Variants in DNM3 observed in about 807,000 individuals in gnomAD.
DNM3 encodes dynamin 3.
DNM3 carries 47 observed loss-of-function variants against 101.6 expected under a neutral mutation model. That is an observed-to-expected ratio of 0.46 (90% CI 0.37 to 0.59). The LOEUF (loss-of-function observed/expected upper bound fraction) is 0.59. DNM3 is among the 20% of genes least tolerant of loss of function. The pLI, the probability that DNM3 is intolerant of heterozygous loss-of-function variation, is 0.00. For synonymous variants in DNM3, 385 were observed against 387.9 expected (o/e 0.99, Z 0.09); for missense variants, 849 against 1,085.7 (o/e 0.78, Z 3.06).
At chr1:172,300,226 A>G (rs2064374452) in intron 15 of DNM3, among the ~76,000 whole-genome samples, 1 of 151,152 alleles carries the variant, frequency 6.6e-6, no homozygotes, top group Admixed American at 6.6e-5. Context: ...CTACTTTTTA[A>G]TGGGGTTATT....
At chr1:172,173,331 T>G (rs1445853755) in intron 14 of DNM3, among the ~76,000 whole-genome samples, 1 of 151,644 alleles carries the variant, frequency 6.6e-6, no homozygotes. Flanking sequence ...AGAGTGGCAG[T>G]GTCAATAACT....
chr1:172,290,972 G>A (rs2063889526), intron 15 of DNM3, among the ~76,000 whole-genome samples: 1 of 137,778 alleles, frequency 7.3e-6, no homozygotes, highest in Non-Finnish European at 1.6e-5. Context: ...AGGTGTTTGA[G>A]GACAGAGGGG....
Position 172,407,967 on chromosome 1 carries a change from T to C in DNM3, c.*126T>C. 2 of 1,562,000 alleles carry C rather than the reference T, an allele frequency of 1.3e-6. No homozygotes were observed. The highest frequency in any genetic ancestry group is 1.7e-6 in the Non-Finnish European group (2 of 1,153,326). ...TCAGTAGGCAAGTAACCAGTTTTAC[T>C]AATGCATTCATCGCTCATCTTCATT... On this transcript the variant is annotated 3_prime_UTR_variant, in exon 21 of 21. Coordinates refer to ENST00000627582, the MANE Select transcript of DNM3 (RefSeq NM_015569.5).
At chr1:171,986,423 G>T (rs1275120870) in intron 2 of DNM3, among the ~76,000 whole-genome samples, 2 of 152,050 alleles carry the variant, frequency 1.3e-5, no homozygotes, top group African/African-American at 2.4e-5. Context: ...TTATCTTTTA[G>T]CATTGAAGGT....
At chr1:171,897,821 A>G (rs958600343) in intron 1 of DNM3, among the ~76,000 whole-genome samples, 5 of 152,306 alleles carry the variant, frequency 3.3e-5, no homozygotes, top group East Asian at 1.9e-4. Flanking sequence ...TAGACCAACT[A>G]GAAAAATACA....
rs10911384 is a variant in DNM3 at position 172,247,695 on chromosome 1, G to A, written c.1660-5878G>A. ...TATTTATTTATTTATTTATTTATTTGTTTATTTTGAGACAGTTTCGCTCTT... is the reference window on the plus strand; with the variant it reads ...TATTTATTTATTTATTTATTTATTTATTTATTTTGAGACAGTTTCGCTCTT... On this transcript the variant is annotated intron_variant, in intron 14 of 20. Transcript: ENST00000627582. Among the ~76,000 whole-genome samples, 319 of 57,874 alleles carry A rather than the reference G, an allele frequency of 5.5e-3. 2 individuals are homozygous for A. Among genetic ancestry groups the A allele is most frequent in the African/African-American group, 0.011 (261 of 23,392 alleles). 38.0% of individuals were successfully genotyped at this position (57,874 alleles called of 152,430 possible). A position where few individuals can be genotyped will look rare whatever the true frequency, so the allele number is the denominator to read the frequency against.
chr1:172,309,910 A>G (rs1415482126), intron 16 of DNM3: 2 of 152,338 alleles, frequency 1.3e-5, no homozygotes, highest in East Asian at 1.9e-4. Context: ...TAACTCACAC[A>G]TAGACCTCTT....
intron 20 of DNM3, among the ~76,000 whole-genome samples, chr1:172,402,972 C>CA (rs1405191948): frequency 2.6e-5 from 4 of 152,160 alleles, no homozygotes; most frequent in African/African-American, 9.7e-5. Context: ...GGACCAGCAG[C>CA]ATCTGGGAAC....
intron 13 of DNM3, among the ~76,000 whole-genome samples, chr1:172,123,729 C>T (rs1417365233): frequency 6.6e-6 from 1 of 152,188 alleles, no homozygotes; most frequent in Non-Finnish European, 1.5e-5. Flanking sequence ...CTGGGGAGGA[C>T]TGAGTGAGGA....
chr1:172,284,613 C>A lies in DNM3; in HGVS notation c.1770-24115C>A, dbSNP rs148389477. On this transcript the variant is annotated intron_variant, in intron 15 of 20. Transcript: ENST00000627582. ...AATCAAGAAATGAATACCATAGGAA[C>A]ATTATACAGAATGACTTTTCATGTA... 4.0e-3 allele frequency among the ~76,000 whole-genome samples: 615 copies of A among 152,262 alleles called. 18 individuals carry two copies. The highest frequency in any genetic ancestry group is 0.035 in the Admixed American group (529 of 15,300).
rs563715527 is a variant in DNM3, at chr1:172,306,050, A to G, written c.1770-2678A>G. 9.1e-3 allele frequency among the ~76,000 whole-genome samples: 1,393 copies of G among 152,296 alleles called. 29 individuals are homozygous for G. The highest frequency in any genetic ancestry group is 0.032 in the African/African-American group (1,321 of 41,556). On this transcript the variant is annotated intron_variant, in intron 15 of 20. Coordinates refer to ENST00000627582, the MANE Select transcript of DNM3 (RefSeq NM_015569.5). ...TGGCCAGGGCAATCAGGCAAGAGAA[A>G]GAAATAAAGGGTATTCAGTTAGGAA... is the stretch of plus-strand genomic sequence containing the variant.
At chr1:172,147,634 G>T (rs1215939131) in intron 14 of DNM3, among the ~76,000 whole-genome samples, 1 of 152,116 alleles carries the variant, frequency 6.6e-6, no homozygotes, top group Non-Finnish European at 1.5e-5. Context: ...TACCTCTAAA[G>T]GGGCAGGGTT....
chr1:171,917,592 AT>A lies in DNM3; in HGVS notation c.162-4155del, dbSNP rs539932005. Reference sequence around the variant, plus strand: ...GAAAGGCATTTGATTTGTAGCTGTCATGTGGCATCCAGAGGGAAGCACTCTC... The same window carrying A: ...GAAAGGCATTTGATTTGTAGCTGTCAGTGGCATCCAGAGGGAAGCACTCTC... On this transcript the variant is annotated intron_variant, in intron 1 of 20. Transcript: ENST00000627582. 4.0e-3 allele frequency among the ~76,000 whole-genome samples: 611 copies of A among 152,308 alleles called. 2 individuals carry two copies. The highest frequency in any genetic ancestry group is 6.0e-3 in the Non-Finnish European group (409 of 68,026).
intron 14 of DNM3, among the ~76,000 whole-genome samples, chr1:172,140,993 A>G (rs973262112): frequency 6.6e-6 from 1 of 151,976 alleles, no homozygotes; most frequent in Non-Finnish European, 1.5e-5. Context: ...TTATCATACC[A>G]TGTAATTTTT....
At position 172,326,000 on chromosome 1, in the gene DNM3, T is replaced by C. The variant is rs116176028; in HGVS notation, c.1893+2660T>C. 7.4e-3 allele frequency among the ~76,000 whole-genome samples: 1,125 copies of C among 152,276 alleles called. 8 individuals are homozygous for C. The highest frequency in any genetic ancestry group is 0.013 in the Non-Finnish European group (874 of 68,014). On this transcript the variant is annotated intron_variant, in intron 17 of 20. Coordinates refer to ENST00000627582, the MANE Select transcript of DNM3 (RefSeq NM_015569.5). ...ATATGGAACAATCCTGCTATTTGTT[T>C]TCTCAAAGACAGCCAAATTGATCTG...
At chr1:172,012,529 T>C (rs1363177993) in intron 4 of DNM3, among the ~76,000 whole-genome samples, 1 of 152,066 alleles carries the variant, frequency 6.6e-6, no homozygotes, top group Non-Finnish European at 1.5e-5. Context: ...TTTTTTGTTG[T>C]TTCTTCATGT....
At chr1:172,100,948 C>T (rs2054601093) in intron 13 of DNM3, among the ~76,000 whole-genome samples, 1 of 152,176 alleles carries the variant, frequency 6.6e-6, no homozygotes, top group African/African-American at 2.4e-5. Context: ...TTCTAAGGTT[C>T]AGTCTGATTG....
At chr1:172,165,187 G>A (rs2058701337) in intron 14 of DNM3, among the ~76,000 whole-genome samples, 1 of 152,076 alleles carries the variant, frequency 6.6e-6, no homozygotes, top group East Asian at 1.9e-4. Flanking sequence ...TTTACTGGGT[G>A]AAGTGTAAAT....
At chr1:172,258,401 T>C (rs2062506933) in intron 15 of DNM3, among the ~76,000 whole-genome samples, 1 of 152,128 alleles carries the variant, frequency 6.6e-6, no homozygotes, top group African/African-American at 2.4e-5. Context: ...TATGTTCCCT[T>C]TTCTCCACAT....
Sources: gnomAD v4.1 joint callset for allele counts (sites outside exome capture counted in the v4.1 genomes callset) on GRCh38, gnomAD v4.1.1 for gene constraint, MANE v1.5 for transcripts, NCBI Gene and HGNC (gene_info 2026-07-23, HGNC 2026-07-21) for gene names.